The following CCDC178 variants were observed in gnomAD, a reference collection of about 807,000 sequenced individuals.
CCDC178 encodes coiled-coil domain containing 178.
Under a neutral mutation model 117.4 loss-of-function variants are expected in CCDC178, and 126 were observed. That is an observed-to-expected ratio of 1.07 (90% confidence interval 0.93 to 1.24). The LOEUF (loss-of-function observed/expected upper bound fraction) is 1.24. Among genes scored for constraint, CCDC178 ranks in the 50% most tolerant of loss-of-function variants. The pLI, the probability that CCDC178 is intolerant of heterozygous loss-of-function variation, is 0.00. For synonymous variants in CCDC178, 283 were observed against 313.4 expected (o/e 0.90, Z 1.02); for missense variants, 1,030 against 986.9 (o/e 1.04, Z -0.59).
intron 20 of CCDC178, among the ~76,000 whole-genome samples, chr18:33,168,300 A>C (rs898726614): frequency 2.0e-5 from 3 of 152,066 alleles, no homozygotes; most frequent in Admixed American, 2.0e-4. Context: ...TCTTCTGTAT[A>C]TGGCTAGCCA....
chr18:33,138,726 A>T (rs1353036415), intron 20 of CCDC178, among the ~76,000 whole-genome samples: 1 of 152,184 alleles, frequency 6.6e-6, no homozygotes, highest in Admixed American at 6.5e-5. Flanking sequence ...ACAGAAGTCA[A>T]ACTTGGACAA....
In CCDC178 at chr18:32,981,113, C is replaced by A. The variant is rs1310293749; in HGVS notation, c.2389-6432G>T. On this transcript the variant is annotated intron_variant, in intron 21 of 22. Coordinates refer to ENST00000383096, the MANE Select transcript of CCDC178 (RefSeq NM_001105528.4). The stretch of plus-strand genomic sequence containing the variant: ...ATCCCAGCACTTTGGGAGGCCAAGC[C>A]AAAGAGGATTGCTCGAGCTCAAGAA... Among the ~76,000 whole-genome samples the A allele has an allele frequency of 2.0e-5, 3 of 152,012 alleles. No individual in the cohort carries two copies. In the East Asian group the frequency reaches 5.8e-4, roughly 29 times the overall value.
chr18:33,434,503 G>A (rs1329571331), intron 2 of CCDC178, among the ~76,000 whole-genome samples: 1 of 152,206 alleles, frequency 6.6e-6, no homozygotes, highest in East Asian at 1.9e-4. Flanking sequence ...TCATACTGAT[G>A]CAAAATTTGC....
chr18:33,092,852 A>G lies in CCDC178; in HGVS notation c.2297T>C (p.Leu766Pro). ...NLRLAQEYQQ[L>P]QITFLKEKDN... ...CTTTTCTTTTAAGAATGTAATCTGTAGCTGTTGATACTCTTGAGCTAAACG... is the reference window on the plus strand; with the variant it reads ...CTTTTCTTTTAAGAATGTAATCTGTGGCTGTTGATACTCTTGAGCTAAACG... The change falls in exon 21 of 23, where the codon CTA becomes CCA. Residue 766 changes from leucine to proline, a missense_variant. Coordinates refer to ENST00000383096, the MANE Select transcript of CCDC178 (RefSeq NM_001105528.4). 1 of 1,585,794 alleles carries G rather than the reference A, an allele frequency of 6.3e-7. No individual in the cohort carries two copies. The highest frequency in any genetic ancestry group is 8.6e-7 in the Non-Finnish European group (1 of 1,163,832).
chr18:33,369,534 C>A (rs2063267733), intron 6 of CCDC178, among the ~76,000 whole-genome samples: 1 of 151,890 alleles, frequency 6.6e-6, no homozygotes. Flanking sequence ...CTTAAATCAT[C>A]CTTTGAAAAT....
intron 20 of CCDC178, among the ~76,000 whole-genome samples, chr18:33,156,217 T>C (rs2058394832): frequency 1.3e-5 from 2 of 149,690 alleles, no homozygotes; most frequent in Non-Finnish European, 3.0e-5. Context: ...GCCACCCGAG[T>C]AGCTGGGATT....
intron 2 of CCDC178, among the ~76,000 whole-genome samples, chr18:33,436,064 TAAC>T (rs5823900): frequency 0.11 from 17,312 of 152,008 alleles, 1,170 homozygotes; most frequent in East Asian, 0.19. Context: ...TCAGATCACA[TAAC>T]AACAGCAATA....
chr18:33,281,361 T>A (rs2060023841), intron 12 of CCDC178, among the ~76,000 whole-genome samples: 1 of 151,992 alleles, frequency 6.6e-6, no homozygotes, highest in Non-Finnish European at 1.5e-5. Flanking sequence ...AAATAAATAA[T>A]TTAAATCGTA....
In CCDC178 at chr18:33,412,128, T is replaced by C. The variant is rs774765692; in HGVS notation, c.-22-18A>G. ...TTTAAAACCTAATTAGAAAGAAAAA[T>C]ATTTAAATATCATGAATCTAAATTA... On this transcript the variant is annotated intron_variant, in intron 2 of 22. Transcript: ENST00000383096. The C allele has an allele frequency of 2.1e-6, 2 of 942,268 alleles. No individual in the cohort carries two copies. The highest frequency in any genetic ancestry group is 2.3e-5 in the Admixed American group (1 of 43,976). 58.4% of individuals were successfully genotyped at this position (942,268 alleles called of 1,614,324 possible).
Position 33,370,418 on chromosome 18 carries a change from G to A in CCDC178, c.209-229C>T, listed in dbSNP as rs182198071. ...TTCTGTAACAAATAAAAATGAACCC[G>A]AGAAGCCAAAATAAAACTTCAAGCA... On this transcript the variant is annotated intron_variant, in intron 5 of 22. Transcript: ENST00000383096. 1.5e-3 allele frequency among the ~76,000 whole-genome samples: 230 copies of A among 151,400 alleles called. 1 individual carries two copies. The Middle Eastern group carries it at 0.017, about 11-fold the overall frequency.
At chr18:33,302,996 T>A (rs1443504351) in intron 11 of CCDC178, among the ~76,000 whole-genome samples, 1 of 152,144 alleles carries the variant, frequency 6.6e-6, no homozygotes, top group Non-Finnish European at 1.5e-5. Flanking sequence ...TTCAAATGGC[T>A]AGGAGAAGGA....
intron 15 of CCDC178, among the ~76,000 whole-genome samples, chr18:33,238,440 A>C (rs2144670740): frequency 1.3e-5 from 2 of 152,172 alleles, no homozygotes; most frequent in South Asian, 4.1e-4. Flanking sequence ...AAATACAACA[A>C]AGATATAGAT....
chr18:33,438,126 C>G (rs1324050786), intron 2 of CCDC178, among the ~76,000 whole-genome samples: 2 of 152,158 alleles, frequency 1.3e-5, no homozygotes, highest in East Asian at 3.9e-4. Context: ...ATAACTTCCA[C>G]AGTGATCAGC....
intron 21 of CCDC178, among the ~76,000 whole-genome samples, chr18:33,031,394 A>C (rs951338510): frequency 5.3e-5 from 8 of 152,024 alleles, no homozygotes; most frequent in Middle Eastern, 3.4e-3. Context: ...ATACAGGTGC[A>C]TACCCTCCAC....
At chr18:33,073,221 T>C (rs1009644752) in intron 21 of CCDC178, among the ~76,000 whole-genome samples, 14 of 151,860 alleles carry the variant, frequency 9.2e-5, no homozygotes, top group Non-Finnish European at 1.6e-4. Context: ...TGCTGACTTT[T>C]GGAATGTAGC....
At chr18:33,117,247 G>C (rs1254763698) in intron 20 of CCDC178, among the ~76,000 whole-genome samples, 2 of 152,100 alleles carry the variant, frequency 1.3e-5, no homozygotes, top group African/African-American at 2.4e-5. Flanking sequence ...GGTCCATTCA[G>C]TCAATTATGA....
intron 20 of CCDC178, among the ~76,000 whole-genome samples, chr18:33,135,706 T>C (rs1483629473): frequency 1.1e-4 from 16 of 152,208 alleles, no homozygotes; most frequent in Admixed American, 5.9e-4. Context: ...GAACTTGTTA[T>C]GAACTTTGCA....
chr18:33,288,548 A>T (rs996308755), intron 12 of CCDC178, among the ~76,000 whole-genome samples: 129 of 151,340 alleles, frequency 8.5e-4, no homozygotes, highest in African/African-American at 3.0e-3. Context: ...TGGGAAAGGC[A>T]TTGGATAAAT....
intron 20 of CCDC178, among the ~76,000 whole-genome samples, chr18:33,159,195 TA>T (rs2144373495): frequency 6.6e-6 from 1 of 152,226 alleles, no homozygotes; most frequent in Admixed American, 6.5e-5. Flanking sequence ...AAACTGATTG[TA>T]ACAATAAATA....
Sources: gnomAD v4.1 joint callset for allele counts (sites outside exome capture counted in the v4.1 genomes callset) on GRCh38, gnomAD v4.1.1 for gene constraint, MANE v1.5 for transcripts, NCBI Gene and HGNC (gene_info 2026-07-23, HGNC 2026-07-21) for gene names.